Variants in CA8 observed in about 807,000 individuals in gnomAD.
CA8 encodes carbonic anhydrase 8 (inactive).
Under a neutral mutation model 41.4 loss-of-function variants are expected in CA8, and 22 were observed. That is an observed-to-expected ratio of 0.53 (90% CI 0.38 to 0.76). CA8 has a LOEUF of 0.76. Among genes scored for constraint, CA8 ranks in the 30% least tolerant of loss-of-function variants. The probability of loss-of-function intolerance (pLI) is 0.00; values close to 1 mark genes in which losing one functional copy is unlikely to be tolerated. For missense variants in CA8, 270 were observed against 352.8 expected (o/e 0.77, Z 1.88); for synonymous variants, 121 against 130.6 (o/e 0.93, Z 0.50).
In CA8 at chr8:60,219,929, T is replaced by TAAAAAA. The variant is rs546162939; in HGVS notation, c.738+2714_738+2719dup. On this transcript the variant is annotated intron_variant, in intron 7 of 8. Coordinates refer to ENST00000317995, the MANE Select transcript of CA8 (RefSeq NM_004056.6). ...CTCTAGTATTTCCTAAATCTTAACT[T>TAAAAAA]AAAAAAAAAAAAAAAAAAAAAAAAC... 2.1e-3 allele frequency among the ~76,000 whole-genome samples: 173 copies of TAAAAAA among 81,984 alleles called. 14 individuals carry two copies. Among genetic ancestry groups the TAAAAAA allele is most frequent in the African/African-American group, 7.4e-3 (155 of 21,014 alleles). The allele number at this position is 81,984 out of a possible 152,430, so 53.8% of individuals were successfully genotyped here. A position where few individuals can be genotyped will look rare whatever the true frequency, so the allele number is the denominator to read the frequency against.
At chr8:60,261,544 G>T (rs947682045) in intron 3 of CA8, among the ~76,000 whole-genome samples, 5 of 152,116 alleles carry the variant, frequency 3.3e-5, no homozygotes, top group African/African-American at 7.2e-5. Context: ...TTCATCTGTA[G>T]TGATGCAAGA....
chr8:60,212,390 A>G (rs1806867727), intron 7 of CA8, among the ~76,000 whole-genome samples: 5 of 152,244 alleles, frequency 3.3e-5, no homozygotes. Flanking sequence ...TACAACACAT[A>G]AAAGTCAGTA....
chr8:60,232,212 T>A lies in CA8; in HGVS notation c.513+72A>T, dbSNP rs943899078. 9 of 1,162,688 alleles carry A rather than the reference T, an allele frequency of 7.7e-6. No homozygotes were observed. The African/African-American group carries it at 1.2e-4, about 16-fold the overall frequency. The allele number at this position is 1,162,688 out of a possible 1,614,324, so 72.0% of individuals were successfully genotyped here. A position where few individuals can be genotyped will look rare whatever the true frequency, so the allele number is the denominator to read the frequency against. ...CATCTCTAAGCAATAAAATTGAGAA[T>A]AAAAAAATTTTACAAAATGATTTAG... On this transcript the variant is annotated intron_variant, in intron 4 of 8. Coordinates refer to ENST00000317995, the MANE Select transcript of CA8 (RefSeq NM_004056.6).
intron 8 of CA8, among the ~76,000 whole-genome samples, chr8:60,206,100 A>T (rs1305711752): frequency 6.6e-6 from 1 of 152,210 alleles, no homozygotes; most frequent in Non-Finnish European, 1.5e-5. Context: ...GTATTCATAA[A>T]AAAATGAAAT....
chr8:60,221,248 G>A (rs1353470566), intron 7 of CA8, among the ~76,000 whole-genome samples: 1 of 152,088 alleles, frequency 6.6e-6, no homozygotes, highest in Admixed American at 6.5e-5. Flanking sequence ...GACTGGGTTG[G>A]GTTTCTTCCA....
chr8:60,267,744 TG>T (rs1486815049), intron 2 of CA8, among the ~76,000 whole-genome samples: 1 of 152,126 alleles, frequency 6.6e-6, no homozygotes, highest in Non-Finnish European at 1.5e-5. Context: ...TAAAAAACAA[TG>T]AATTATCTAA....
chr8:60,241,992 T>C (rs1808044911), intron 3 of CA8, among the ~76,000 whole-genome samples: 1 of 152,198 alleles, frequency 6.6e-6, no homozygotes, highest in African/African-American at 2.4e-5. Context: ...TCTGAAATAA[T>C]GGCAGCACTC....
chr8:60,238,603 A>G (rs1222142544), intron 3 of CA8, among the ~76,000 whole-genome samples: 1 of 152,128 alleles, frequency 6.6e-6, no homozygotes, highest in East Asian at 1.9e-4. Context: ...TCCAGAGCTC[A>G]TCTAGACCTC....
chr8:60,203,685 C>T (rs1806497176), intron 8 of CA8, among the ~76,000 whole-genome samples: 1 of 152,072 alleles, frequency 6.6e-6, no homozygotes, highest in Non-Finnish European at 1.5e-5. Flanking sequence ...AAAAGTATCT[C>T]CTTATACTCC....
intron 3 of CA8, 126 bp downstream of exon 3, chr8:60,265,799 A>T (rs1803883623): frequency 1.8e-6 from 2 of 1,094,136 alleles, no homozygotes; most frequent in South Asian, 1.4e-5. Flanking sequence ...GCATTTTTTA[A>T]ATTTTAGTAT....
chr8:60,254,087 T>C (rs1808540358), intron 3 of CA8, among the ~76,000 whole-genome samples: 1 of 152,234 alleles, frequency 6.6e-6, no homozygotes, highest in South Asian at 2.1e-4. Flanking sequence ...AACCCTTTAA[T>C]CGTTATCTTT....
chr8:60,257,076 G>T (rs528201847), intron 3 of CA8, among the ~76,000 whole-genome samples: 2 of 152,168 alleles, frequency 1.3e-5, no homozygotes, highest in South Asian at 4.1e-4. Flanking sequence ...CACTTCCTAG[G>T]TTCAAGCGAT....
intron 3 of CA8, among the ~76,000 whole-genome samples, chr8:60,248,082 G>T (rs1335339376): frequency 5.3e-5 from 8 of 150,300 alleles, no homozygotes; most frequent in Admixed American, 2.0e-4. Flanking sequence ...CATATACTTT[G>T]CCCAGTTTTT....
intron 3 of CA8, among the ~76,000 whole-genome samples, chr8:60,256,205 C>T (rs1488009047): frequency 1.3e-5 from 2 of 152,144 alleles, no homozygotes; most frequent in Non-Finnish European, 2.9e-5. Context: ...CCGCCACACT[C>T]GGCCTAAACG....
At chr8:60,245,355 T>C (rs995544667) in intron 3 of CA8, among the ~76,000 whole-genome samples, 1 of 151,040 alleles carries the variant, frequency 6.6e-6, no homozygotes, top group Non-Finnish European at 1.5e-5. Context: ...GAAAGACAAA[T>C]AGCCCTGTGA....
intron 3 of CA8, chr8:60,265,677 G>GATTTAATAC (rs1803879407): frequency 2.1e-6 from 1 of 480,856 alleles, no homozygotes; most frequent in Non-Finnish European, 3.8e-6. Flanking sequence ...TAACACTAGG[G>GATTTAATAC]TGAAATTTAA....
At chr8:60,206,087 A>G (rs2130412489) in intron 8 of CA8, among the ~76,000 whole-genome samples, 1 of 152,336 alleles carries the variant, frequency 6.6e-6, no homozygotes, top group South Asian at 2.1e-4. Flanking sequence ...TTTCAAGATA[A>G]AAGTATTCAT....
chr8:60,219,949 A>C (rs1585867050), intron 7 of CA8, among the ~76,000 whole-genome samples: 1 of 146,916 alleles, frequency 6.8e-6, no homozygotes, highest in African/African-American at 2.5e-5. Context: ...AAAAAAAAAA[A>C]AAAACACTTG....
chr8:60,201,356 GA>G (rs1806422510), intron 8 of CA8, among the ~76,000 whole-genome samples: 1 of 152,216 alleles, frequency 6.6e-6, no homozygotes, highest in African/African-American at 2.4e-5. Flanking sequence ...CACCTACAGA[GA>G]CAGCCCCAAA....
Sources: allele counts gnomAD v4.1 joint callset (sites outside exome capture counted in the v4.1 genomes callset), GRCh38; gene constraint gnomAD v4.1.1; transcripts MANE v1.5; gene names NCBI Gene and HGNC (gene_info 2026-07-23, HGNC 2026-07-21).